CNTNAP5: variants seen among roughly 807,000 people sequenced by gnomAD.
CNTNAP5 encodes the protein contactin-associated protein-like 5.
Under a neutral mutation model 150.2 loss-of-function variants are expected in CNTNAP5, and 72 were observed. The ratio of observed to expected loss-of-function variants is 0.48; its 90% confidence interval spans 0.40 to 0.58. CNTNAP5 has a LOEUF of 0.58. Ranked by LOEUF, CNTNAP5 falls within the 20% of genes least tolerant of loss-of-function variation. The pLI is 0.00. For missense variants in CNTNAP5, 1,636 were observed against 1,626.2 expected (o/e 1.01, Z -0.10); for synonymous variants, 672 against 619.8 (o/e 1.08, Z -1.25).
chr2:124,626,642 G>A (rs541830618), intron 12 of CNTNAP5, among the ~76,000 whole-genome samples: 1 of 152,264 alleles, frequency 6.6e-6, no homozygotes, highest in African/African-American at 2.4e-5. Flanking sequence ...GGCTGTTCGA[G>A]CAGGCACTGA....
At chr2:124,147,805 G>T (rs1246214792) in intron 1 of CNTNAP5, among the ~76,000 whole-genome samples, 1 of 152,174 alleles carries the variant, frequency 6.6e-6, no homozygotes, top group Non-Finnish European at 1.5e-5. Flanking sequence ...GCACCCTTCA[G>T]TGTTCCTCTT....
intron 3 of CNTNAP5, among the ~76,000 whole-genome samples, chr2:124,304,381 A>C (rs531347938): frequency 6.7e-6 from 1 of 150,154 alleles, no homozygotes; most frequent in South Asian, 2.1e-4. Context: ...ACAGGGAGAA[A>C]TGGCAAAGTA....
chr2:124,773,422 G>T (rs1681249407), intron 17 of CNTNAP5, among the ~76,000 whole-genome samples: 1 of 152,156 alleles, frequency 6.6e-6, no homozygotes, highest in Admixed American at 6.5e-5. Context: ...GATAATTACA[G>T]ATATCCATGC....
chr2:124,470,987 T>C (rs1693500489), intron 6 of CNTNAP5, among the ~76,000 whole-genome samples: 1 of 152,194 alleles, frequency 6.6e-6, no homozygotes, highest in Admixed American at 6.5e-5. Context: ...TGTAGTATAG[T>C]TTGAAGAAGG....
At chr2:124,787,213 A>G (rs1353680361) in intron 17 of CNTNAP5, among the ~76,000 whole-genome samples, 2 of 152,252 alleles carry the variant, frequency 1.3e-5, no homozygotes, top group East Asian at 3.8e-4. Context: ...ATTCAAATCC[A>G]CCATGGGGAG....
chr2:124,038,619 C>A (rs1681284173), intron 1 of CNTNAP5, among the ~76,000 whole-genome samples: 1 of 152,094 alleles, frequency 6.6e-6, no homozygotes, highest in Non-Finnish European at 1.5e-5. Flanking sequence ...AAAAGCAGAA[C>A]TTTTGGTTTA....
At chr2:124,691,197 A>G (rs1679293326) in intron 13 of CNTNAP5, among the ~76,000 whole-genome samples, 1 of 152,152 alleles carries the variant, frequency 6.6e-6, no homozygotes, top group South Asian at 2.1e-4. Flanking sequence ...GAATTTAAGC[A>G]ACATTTTTCT....
chr2:124,692,477 G>T (rs1377096337), intron 13 of CNTNAP5, among the ~76,000 whole-genome samples: 3 of 151,980 alleles, frequency 2.0e-5, no homozygotes, highest in African/African-American at 7.3e-5. Context: ...CACTAAGTTT[G>T]ATCAAGTTTG....
intron 3 of CNTNAP5, among the ~76,000 whole-genome samples, chr2:124,253,953 A>G (rs1273267029): frequency 6.6e-6 from 1 of 151,950 alleles, no homozygotes; most frequent in Non-Finnish European, 1.5e-5. Flanking sequence ...ATTCTCCTTT[A>G]TGAACGGATT....
intron 1 of CNTNAP5, among the ~76,000 whole-genome samples, chr2:124,142,576 G>T (rs1289348344): frequency 7.3e-6 from 1 of 136,290 alleles, no homozygotes; most frequent in African/African-American, 2.8e-5. Context: ...AAATAAAGAT[G>T]TTCTTTGAAA....
At chr2:124,518,207 C>T (rs1048664813) in intron 8 of CNTNAP5, among the ~76,000 whole-genome samples, 1 of 152,096 alleles carries the variant, frequency 6.6e-6, no homozygotes, top group East Asian at 1.9e-4. Context: ...TCAGTTTCAT[C>T]AAGTGTGAGC....
intron 3 of CNTNAP5, among the ~76,000 whole-genome samples, chr2:124,320,038 G>T (rs1213737984): frequency 6.6e-6 from 1 of 152,112 alleles, no homozygotes. Context: ...AATCTTCCAC[G>T]GTACAGGTAT....
chr2:124,842,223 G>A (rs999226296), intron 19 of CNTNAP5, among the ~76,000 whole-genome samples: 3 of 152,082 alleles, frequency 2.0e-5, no homozygotes, highest in Non-Finnish European at 4.4e-5. Context: ...TTGGGTCTCA[G>A]AAGAAAGAAA....
intron 13 of CNTNAP5, among the ~76,000 whole-genome samples, chr2:124,679,216 T>C (rs1679009008): frequency 6.6e-6 from 1 of 151,824 alleles, no homozygotes; most frequent in Non-Finnish European, 1.5e-5. Context: ...ATGATGGATC[T>C]CCTCAAGGAG....
chr2:124,069,879 G>A (rs187082148), intron 1 of CNTNAP5, among the ~76,000 whole-genome samples: 1 of 152,146 alleles, frequency 6.6e-6, no homozygotes, highest in African/African-American at 2.4e-5. Flanking sequence ...TAAGCGCACA[G>A]AGAAACACAG....
In CNTNAP5 at chr2:124,446,874, G is replaced by A. The variant is rs747909210; in HGVS notation, c.855G>A (p.Val285=). 1.2e-6 allele frequency: 2 copies of A among 1,613,944 alleles called. No homozygotes were observed. Among genetic ancestry groups the A allele is most frequent in the Non-Finnish European group, 1.7e-6 (2 of 1,179,868 alleles). Residue 285 remains valine, a synonymous_variant, in exon 6 of 24, where the codon GTG becomes GTA. Transcript: ENST00000682447. Reference sequence around the variant, plus strand: ...TGGGCAAGCAGGTGAACTTCACGGTGGACAAGCACACACAGCACTTCCGCA... The same window carrying A: ...TGGGCAAGCAGGTGAACTTCACGGTAGACAAGCACACACAGCACTTCCGCA... The part of the protein sequence containing the change: ...ERVGKQVNFT[V]DKHTQHFRTK...
intron 1 of CNTNAP5, among the ~76,000 whole-genome samples, chr2:124,148,855 G>T (rs551176524): frequency 9.5e-5 from 12 of 126,602 alleles, no homozygotes; most frequent in African/African-American, 3.1e-4. Context: ...TGCATCTATA[G>T]AGAGAGAGGT....
intron 3 of CNTNAP5, among the ~76,000 whole-genome samples, chr2:124,358,768 T>C (rs1690101918): frequency 6.6e-6 from 1 of 152,048 alleles, no homozygotes; most frequent in Non-Finnish European, 1.5e-5. Context: ...AAATTCTCTT[T>C]TTTGGTTGTG....
At chr2:124,551,741 T>A (rs1695632166) in intron 10 of CNTNAP5, among the ~76,000 whole-genome samples, 2 of 152,220 alleles carry the variant, frequency 1.3e-5, no homozygotes, top group African/African-American at 4.8e-5. Flanking sequence ...ATCATTTATC[T>A]GAACATTTGG....
Sources: allele counts gnomAD v4.1 joint callset (sites outside exome capture counted in the v4.1 genomes callset), GRCh38; gene constraint gnomAD v4.1.1; transcripts MANE v1.5; gene names NCBI Gene and HGNC (gene_info 2026-07-23, HGNC 2026-07-21).